GOLM2: variants seen among roughly 807,000 people sequenced by gnomAD.
GOLM2 encodes the protein golgi membrane protein 2.
Under a neutral mutation model 55.9 loss-of-function variants are expected in GOLM2, and 26 were observed. The observed-to-expected ratio is 0.47, with a 90% CI of 0.34 to 0.65. The LOEUF (loss-of-function observed/expected upper bound fraction) is 0.65. GOLM2 is among the 30% of genes least tolerant of loss of function. The pLI is 0.01. For missense variants in GOLM2, 486 were observed against 531.8 expected, an observed-to-expected ratio of 0.91 and a Z score of 0.85; for synonymous variants, 165 against 194.6, an observed-to-expected ratio of 0.85 and a Z score of 1.27.
At chr15:44,375,943 A>T (rs922221175) in intron 6 of GOLM2, among the ~76,000 whole-genome samples, 1 of 152,066 alleles carries the variant, frequency 6.6e-6, no homozygotes. Flanking sequence ...GCATACAAAG[A>T]TATATATGTT....
chr15:44,347,041 A>T (rs1383098193), intron 6 of GOLM2, among the ~76,000 whole-genome samples: 2 of 151,992 alleles, frequency 1.3e-5, no homozygotes, highest in East Asian at 3.9e-4. Flanking sequence ...GGAGGATCAC[A>T]TGAGCCCAGG....
At chr15:44,401,013 C>T (rs1464650183) in intron 8 of GOLM2, among the ~76,000 whole-genome samples, 2 of 152,312 alleles carry the variant, frequency 1.3e-5, no homozygotes, top group Admixed American at 6.5e-5. Flanking sequence ...CCAGTACCCC[C>T]AGAATTCTAT....
At chr15:44,388,526 T>C (rs1159945394) in intron 8 of GOLM2, among the ~76,000 whole-genome samples, 1 of 151,972 alleles carries the variant, frequency 6.6e-6, no homozygotes, top group East Asian at 2.0e-4. Context: ...ATACAAAAAT[T>C]AGCTGGGCAT....
Position 44,289,416 on chromosome 15 carries a change from C to T in GOLM2, c.327+60C>T, listed in dbSNP as rs1415054967. ...TTTCTTTTCTCCCCGGGGTCTGGGG[C>T]GGGATGTTAATCCGCTAGCTGTTGT... On this transcript the variant is annotated intron_variant, in intron 1 of 9. Transcript: ENST00000299957. This position sits in a 1 kb window ranked among gnomAD's most constrained non-coding sequence, Gnocchi z 4.8. 2.1e-6 allele frequency: 3 copies of T among 1,450,908 alleles called. No homozygotes were observed. Among genetic ancestry groups the T allele is most frequent in the Non-Finnish European group, 2.8e-6 (3 of 1,072,472 alleles). 89.9% of individuals were successfully genotyped at this position (1,450,908 alleles called of 1,614,324 possible).
intron 6 of GOLM2, among the ~76,000 whole-genome samples, chr15:44,366,281 A>G (rs1427642410): frequency 6.9e-6 from 1 of 145,412 alleles, no homozygotes; most frequent in African/African-American, 2.6e-5. Flanking sequence ...TGGGCAACAG[A>G]GCGAGACTCC....
intron 8 of GOLM2, among the ~76,000 whole-genome samples, chr15:44,400,646 A>G (rs1056034103): frequency 2.1e-4 from 27 of 130,340 alleles, no homozygotes; most frequent in African/African-American, 8.2e-4. Context: ...GCGCAATCTC[A>G]GCTCCCTGCA....
In GOLM2 at chr15:44,309,215, C is replaced by T. The variant is rs570173111; in HGVS notation, c.328-13750C>T. Among the ~76,000 whole-genome samples the T allele has an allele frequency of 7.2e-5, 11 of 152,286 alleles. No homozygotes were observed. The South Asian group carries it at 2.3e-3, about 32-fold the overall frequency. ...GGAATGTAAATAGCCATATGGAAAA[C>T]AGTATGTAGTTTCCTCAGAAGTTAA... On this transcript the variant is annotated intron_variant, in intron 1 of 9. Transcript: ENST00000299957.
intron 8 of GOLM2, among the ~76,000 whole-genome samples, chr15:44,400,383 A>G (rs1245749866): frequency 6.6e-6 from 1 of 151,196 alleles, no homozygotes; most frequent in Non-Finnish European, 1.5e-5. Flanking sequence ...CAATGGTGCA[A>G]TCTCAGTGAG....
At chr15:44,319,891 TTTTG>T (rs1257252978) in intron 1 of GOLM2, among the ~76,000 whole-genome samples, 2 of 152,132 alleles carry the variant, frequency 1.3e-5, no homozygotes, top group Admixed American at 6.6e-5. Context: ...ACCTGGCCAT[TTTTG>T]TTTGTTTTAC....
chr15:44,380,671 A>G (rs2079395309), intron 7 of GOLM2, 135 bp from the exon 8 acceptor site: 1 of 568,174 alleles, frequency 1.8e-6, no homozygotes, highest in Non-Finnish European at 2.7e-6. Flanking sequence ...CCTTTAAAAA[A>G]AAAAAAAAAA....
At chr15:44,410,449 T>C (rs995831332) in intron 9 of GOLM2, among the ~76,000 whole-genome samples, 8 of 152,098 alleles carry the variant, frequency 5.3e-5, no homozygotes, top group African/African-American at 1.9e-4. Flanking sequence ...ATACATAATT[T>C]TTTTTAAGTA....
intron 9 of GOLM2, among the ~76,000 whole-genome samples, chr15:44,411,018 T>C (rs915170949): frequency 2.4e-4 from 33 of 136,238 alleles, no homozygotes; most frequent in Non-Finnish European, 5.0e-4. Context: ...TTTGACTTTT[T>C]TTTTTTTTTT....
Position 44,317,542 on chromosome 15 carries a change from T to G in GOLM2, c.328-5423T>G, listed in dbSNP as rs570218991. 3.9e-5 allele frequency among the ~76,000 whole-genome samples: 6 copies of G among 152,332 alleles called. No homozygotes were observed. The South Asian group carries it at 1.2e-3, about 32-fold the overall frequency. ...CTAATTGGAAGTTATTACGGAGCAG[T>G]TCTGAGTGAGCAAACTGATCAAATA... On this transcript the variant is annotated intron_variant, in intron 1 of 9. Coordinates refer to ENST00000299957, the MANE Select transcript of GOLM2 (RefSeq NM_138423.4).
intron 6 of GOLM2, among the ~76,000 whole-genome samples, chr15:44,339,389 A>G (rs948802517): frequency 2.6e-5 from 4 of 152,048 alleles, no homozygotes; most frequent in African/African-American, 7.2e-5. Flanking sequence ...CCCAGGCTGG[A>G]GTGCGGTGGC....
chr15:44,299,659 A>G (rs1276570749), intron 1 of GOLM2, among the ~76,000 whole-genome samples: 1 of 152,044 alleles, frequency 6.6e-6, no homozygotes, highest in Non-Finnish European at 1.5e-5. Flanking sequence ...TTATAATTCT[A>G]CCATTATGTT....
In GOLM2 at chr15:44,379,727, A is replaced by G. The variant is rs141352061; in HGVS notation, c.840A>G (p.Glu280=). 5 of 1,611,988 alleles carry G rather than the reference A, an allele frequency of 3.1e-6. No individual in the cohort carries two copies. The highest frequency in any genetic ancestry group is 3.4e-6 in the Non-Finnish European group (4 of 1,178,894). Residue 280 remains glutamate, a synonymous_variant, in exon 7 of 10, where the codon GAA becomes GAG. Coordinates refer to ENST00000299957, the MANE Select transcript of GOLM2 (RefSeq NM_138423.4). Reference sequence around the variant, plus strand: ...CTCCTATTTCAGTTTCTCAACATGAAAGTCATCAAGCAATCTCCCATCTTC... The same window carrying G: ...CTCCTATTTCAGTTTCTCAACATGAGAGTCATCAAGCAATCTCCCATCTTC... ...RKPPISVSQH[E]SHQAISHLPT...
At chr15:44,391,300 G>T (rs906690478) in intron 8 of GOLM2, among the ~76,000 whole-genome samples, 3 of 151,962 alleles carry the variant, frequency 2.0e-5, no homozygotes, top group Non-Finnish European at 2.9e-5. Context: ...AGATCACGAG[G>T]TCGGGAGATC....
intron 1 of GOLM2, among the ~76,000 whole-genome samples, chr15:44,294,453 G>T (rs988403302): frequency 1.3e-5 from 2 of 152,008 alleles, no homozygotes; most frequent in Non-Finnish European, 2.9e-5. Context: ...GGTGGCTCAC[G>T]CCTGTAATCC....
intron 6 of GOLM2, among the ~76,000 whole-genome samples, chr15:44,368,366 G>C (rs866310725): frequency 1.4e-5 from 2 of 146,294 alleles, no homozygotes; most frequent in Middle Eastern, 3.2e-3. Flanking sequence ...TGGTCAGGCT[G>C]GTCTTGAACT....
Sources: gnomAD v4.1 joint callset for allele counts (sites outside exome capture counted in the v4.1 genomes callset) on GRCh38, gnomAD v4.1.1 for gene constraint, Gnocchi (gnomAD v3.1) non-coding constraint, MANE v1.5 for transcripts, NCBI Gene and HGNC (gene_info 2026-07-23, HGNC 2026-07-21) for gene names.